The following ZFAND4 variants were observed in gnomAD, a reference collection of about 807,000 sequenced individuals.
ZFAND4 encodes the protein zinc finger AN1-type containing 4, also known as AN1-type zinc finger protein 4.
ZFAND4 carries 43 observed loss-of-function variants against 64.4 expected under a neutral mutation model. The observed-to-expected ratio is 0.67, with a 90% CI of 0.52 to 0.86. The LOEUF is 0.86. Among genes scored for constraint, ZFAND4 ranks in the 40% least tolerant of loss-of-function variants. The pLI, the probability that ZFAND4 is intolerant of heterozygous loss-of-function variation, is 0.00. For synonymous variants in ZFAND4, 296 were observed against 305.7 expected (o/e 0.97, Z 0.33); for missense variants, 929 against 859.8 (o/e 1.08, Z -1.01).
chr10:45,662,409 G>A (rs1366868824), intron 2 of ZFAND4, among the ~76,000 whole-genome samples: 1 of 152,176 alleles, frequency 6.6e-6, no homozygotes, highest in Non-Finnish European at 1.5e-5. Context: ...TCTCTAAAGT[G>A]CTTTTGCTGC....
chr10:45,617,401 G>A (rs1203013285), intron 9 of ZFAND4, among the ~76,000 whole-genome samples: 1 of 152,074 alleles, frequency 6.6e-6, no homozygotes, highest in Admixed American at 6.6e-5. Context: ...GCAAAGGTGA[G>A]AAGATCACTT....
At position 45,618,264 on chromosome 10, in the gene ZFAND4, T is replaced by C; in HGVS notation, c.1928-4A>G. Reference sequence around the variant, plus strand: ...AGGTGATGAGTAGTACATTCTCCTGTTTAGAGAAAGGACACCTTGATTAAC... The same window carrying C: ...AGGTGATGAGTAGTACATTCTCCTGCTTAGAGAAAGGACACCTTGATTAAC... On this transcript the variant is annotated splice_region_variant and splice_polypyrimidine_tract_variant and intron_variant, in intron 8 of 9. Transcript: ENST00000344646. The C allele has an allele frequency of 1.9e-6, 3 of 1,609,506 alleles. No homozygotes were observed. Among genetic ancestry groups the C allele is most frequent in the Non-Finnish European group, 2.5e-6 (3 of 1,178,786 alleles).
At chr10:45,649,963 C>A (rs1405469817) in intron 4 of ZFAND4, among the ~76,000 whole-genome samples, 1 of 152,094 alleles carries the variant, frequency 6.6e-6, no homozygotes, top group Non-Finnish European at 1.5e-5. Context: ...CTTCTCATAA[C>A]AGAAAAATCT....
intron 6 of ZFAND4, among the ~76,000 whole-genome samples, chr10:45,628,896 CAAAAAAAAAAA>C (rs74412113): frequency 2.2e-5 from 1 of 45,464 alleles, no homozygotes; most frequent in African/African-American, 7.4e-5. Flanking sequence ...GGAGCTTCAC[CAAAAAAAAAAA>C]AAAAAAAAAA....
intron 1 of ZFAND4, among the ~76,000 whole-genome samples, chr10:45,667,604 G>C (rs2133876551): frequency 6.6e-6 from 1 of 151,972 alleles, no homozygotes; most frequent in Non-Finnish European, 1.5e-5. Context: ...AAATAGCTGG[G>C]ATTACAGGCA....
At chr10:45,643,833 G>A (rs976289019) in intron 5 of ZFAND4, among the ~76,000 whole-genome samples, 2 of 152,100 alleles carry the variant, frequency 1.3e-5, no homozygotes, top group Non-Finnish European at 2.9e-5. Flanking sequence ...CCATGGTCAT[G>A]GGTCAAATCT....
chr10:45,627,972 A>G (rs2133586004), intron 6 of ZFAND4, among the ~76,000 whole-genome samples: 1 of 152,302 alleles, frequency 6.6e-6, no homozygotes, highest in South Asian at 2.1e-4. Flanking sequence ...AACTATATAC[A>G]GCAACATACT....
In ZFAND4 at chr10:45,639,942, T is replaced by C; in HGVS notation, c.591A>G (p.Ser197=). Residue 197 remains serine (S), a synonymous_variant, in exon 6 of 10, where the codon TCA becomes TCG. Coordinates refer to ENST00000344646, the MANE Select transcript of ZFAND4 (RefSeq NM_174890.4). ...HRMSGGSMYN[S]DTDEDEETEP... ...CAGTTTCTTCATCCTCATCTGTATC[T>C]GAATTATACATAGAACCACCACTGC... 6.2e-7 allele frequency: 1 copy of C among 1,611,300 alleles called. No individual in the cohort carries two copies. The highest frequency in any genetic ancestry group is 8.5e-7 in the Non-Finnish European group (1 of 1,179,488).
At chr10:45,662,600 A>G in intron 2 of ZFAND4, 2 of 985,462 alleles carry the variant, frequency 2.0e-6, no homozygotes, top group South Asian at 4.7e-5. Flanking sequence ...AGGGCAGACA[A>G]AAGCTTCAAG....
At chr10:45,663,871 C>A (rs1314723851) in intron 1 of ZFAND4, 29 bp from the exon 2 acceptor site, 2 of 599,784 alleles carry the variant, frequency 3.3e-6, no homozygotes, top group Non-Finnish European at 5.3e-6. Flanking sequence ...TTTTAACAAG[C>A]CTATCTGAAA....
chr10:45,624,459 A>T, intron 8 of ZFAND4, 124 bp downstream of exon 8: 1 of 745,756 alleles, frequency 1.3e-6, no homozygotes, highest in Non-Finnish European at 2.2e-6. Flanking sequence ...AAGCATTTAG[A>T]GACAGAATTT....
Position 45,648,483 on chromosome 10 carries a change from C to T in ZFAND4, c.380G>A (p.Arg127Gln), listed in dbSNP as rs761592565. The change falls in exon 5 of 10, where the codon CGA becomes CAA. Residue 127 changes from arginine (R) to glutamine (Q), a missense_variant. Coordinates refer to ENST00000344646, the MANE Select transcript of ZFAND4 (RefSeq NM_174890.4). ...GGAGGTCTTCTCCCAGACCTCAACT[C>T]GACTGGAATCCAAGTACTCTGCCAT... The part of the protein sequence containing the change: ...RKMAEYLDSS[R>Q]VEVWEKTSCS... The T allele has an allele frequency of 8.7e-6, 14 of 1,613,582 alleles. No homozygotes were observed. Among genetic ancestry groups the T allele is most frequent in the African/African-American group, 6.7e-5 (5 of 74,890 alleles).
At chr10:45,622,909 C>CA (rs113882289) in intron 8 of ZFAND4, among the ~76,000 whole-genome samples, 8,978 of 150,936 alleles carry the variant, frequency 0.059, 374 homozygotes, top group African/African-American at 0.12. Context: ...AGTTTGGTTT[C>CA]GGGGAAAAAA....
At chr10:45,621,051 A>G (rs1427278558) in intron 8 of ZFAND4, 1 of 152,222 alleles carries the variant, frequency 6.6e-6, no homozygotes, top group Non-Finnish European at 1.5e-5. Flanking sequence ...TTTATCTAAC[A>G]TCTAACAGGA....
intron 6 of ZFAND4, among the ~76,000 whole-genome samples, chr10:45,628,183 A>G (rs2045968233): frequency 6.6e-6 from 1 of 152,252 alleles, no homozygotes; most frequent in African/African-American, 2.4e-5. Context: ...ATACCTTATG[A>G]CATACCAATG....
At chr10:45,662,523 A>T in intron 2 of ZFAND4, 1 of 877,030 alleles carries the variant, frequency 1.1e-6, no homozygotes, top group Non-Finnish European at 1.4e-6. Context: ...TTAAACTATG[A>T]TATAAATTGC....
Position 45,648,404 on chromosome 10 carries a change from G to C in ZFAND4, c.459C>G (p.Phe153Leu). The change falls in exon 5 of 10, where the codon TTC becomes TTG. Residue 153 changes from phenylalanine to leucine, a missense_variant. Coordinates refer to ENST00000344646, the MANE Select transcript of ZFAND4 (RefSeq NM_174890.4). ...CATCTCCCCTATCTACTGCAGGAAAGAAATTCAATTGATCTCCTTCTTGGT... is the reference window on the plus strand; with the variant it reads ...CATCTCCCCTATCTACTGCAGGAAACAAATTCAATTGATCTCCTTCTTGGT... ...LVYQEGDQLN[F>L]FPAVDRGDGT... 1 of 1,614,036 alleles carries C rather than the reference G, an allele frequency of 6.2e-7. No homozygotes were observed. Among genetic ancestry groups the C allele is most frequent in the Non-Finnish European group, 8.5e-7 (1 of 1,179,972 alleles).
chr10:45,640,272 C>T (rs2046893402), intron 5 of ZFAND4: 1 of 1,229,306 alleles, frequency 8.1e-7, no homozygotes, highest in Admixed American at 3.6e-5. Context: ...AAATCCATTT[C>T]CATGAGAATG....
intron 1 of ZFAND4, among the ~76,000 whole-genome samples, chr10:45,670,340 C>T (rs1006044971): frequency 3.3e-5 from 5 of 151,968 alleles, no homozygotes; most frequent in African/African-American, 1.2e-4. Context: ...GATTCTCCTG[C>T]CTCAGCCTCC....
Sources: allele counts gnomAD v4.1 joint callset (sites outside exome capture counted in the v4.1 genomes callset), GRCh38; gene constraint gnomAD v4.1.1; transcripts MANE v1.5; gene names NCBI Gene and HGNC (gene_info 2026-07-23, HGNC 2026-07-21).